ANTXR1: variants seen among roughly 807,000 people sequenced by gnomAD.
ANTXR1 encodes anthrax toxin receptor 1.
ANTXR1 carries 19 observed loss-of-function variants against 78.1 expected under a neutral mutation model. That is an observed-to-expected ratio of 0.24 (90% CI 0.17 to 0.36). The LOEUF is 0.36. Ranked by LOEUF, ANTXR1 falls within the 10% of genes least tolerant of loss-of-function variation. ANTXR1 has a pLI of 1.00. For missense variants in ANTXR1, 518 were observed against 718.6 expected (o/e 0.72, Z 3.19); for synonymous variants, 273 against 260.5 (o/e 1.05, Z -0.46).
chr2:69,234,339 T>C (rs1393872591), intron 17 of ANTXR1, among the ~76,000 whole-genome samples: 1 of 152,208 alleles, frequency 6.6e-6, no homozygotes. Context: ...ATTTAACAAA[T>C]GGTATTTCTA....
At chr2:69,033,585 T>C (rs914171249) in intron 1 of ANTXR1, among the ~76,000 whole-genome samples, 2 of 152,180 alleles carry the variant, frequency 1.3e-5, no homozygotes, top group Admixed American at 6.5e-5. Context: ...CAAGTGTGAG[T>C]CCCACTTACA....
intron 1 of ANTXR1, among the ~76,000 whole-genome samples, chr2:69,022,947 A>G (rs971449103): frequency 6.6e-5 from 10 of 152,156 alleles, no homozygotes; most frequent in African/African-American, 2.4e-4. Context: ...GTGTACATAT[A>G]CATTTAAGCC....
At chr2:69,239,433 G>A (rs986390447) in intron 17 of ANTXR1, among the ~76,000 whole-genome samples, 1 of 152,142 alleles carries the variant, frequency 6.6e-6, no homozygotes, top group Non-Finnish European at 1.5e-5. Flanking sequence ...TTAGCCAGGT[G>A]TGGTGGCACA....
At chr2:69,106,895 G>T (rs1671824661) in intron 10 of ANTXR1, among the ~76,000 whole-genome samples, 1 of 152,194 alleles carries the variant, frequency 6.6e-6, no homozygotes, top group South Asian at 2.1e-4. Context: ...ATCTGAAAGA[G>T]AATGGAAAAT....
chr2:69,187,585 C>CTTTTTTTTTTTTTTT (rs58660678), intron 16 of ANTXR1, among the ~76,000 whole-genome samples: 2 of 94,898 alleles, frequency 2.1e-5, no homozygotes, highest in Admixed American at 1.3e-4. Context: ...TCATGTATTT[C>CTTTTTTTTTTTTTTT]TTTTTTTTTT....
intron 17 of ANTXR1, among the ~76,000 whole-genome samples, chr2:69,199,669 G>C (rs1375987906): frequency 3.9e-5 from 6 of 152,108 alleles, no homozygotes; most frequent in Non-Finnish European, 8.8e-5. Context: ...CCCCCTAAAG[G>C]TTCTGTTTAA....
At chr2:69,151,909 AGTTG>A (rs1375908606) in intron 12 of ANTXR1, among the ~76,000 whole-genome samples, 2 of 152,214 alleles carry the variant, frequency 1.3e-5, no homozygotes, top group Admixed American at 6.5e-5. Flanking sequence ...TCTCTTATGC[AGTTG>A]GTCTTTCAAA....
chr2:69,229,579 C>A (rs1352986475), intron 17 of ANTXR1, among the ~76,000 whole-genome samples: 1 of 152,108 alleles, frequency 6.6e-6, no homozygotes, highest in African/African-American at 2.4e-5. Flanking sequence ...TACTAATTGT[C>A]GTTCTAAGTA....
chr2:69,140,629 G>C (rs373942494), intron 12 of ANTXR1, among the ~76,000 whole-genome samples: 111 of 152,222 alleles, frequency 7.3e-4, no homozygotes, highest in African/African-American at 2.1e-3. Flanking sequence ...TTTTCTTTTG[G>C]GGGCCTATAA....
At chr2:69,166,440 T>C (rs1184423708) in intron 13 of ANTXR1, among the ~76,000 whole-genome samples, 2 of 152,102 alleles carry the variant, frequency 1.3e-5, no homozygotes, top group African/African-American at 4.8e-5. Context: ...CCCCTTTACC[T>C]CACCAGCCCA....
chr2:69,195,402 T>C (rs1391357285), intron 17 of ANTXR1, among the ~76,000 whole-genome samples: 1 of 152,108 alleles, frequency 6.6e-6, no homozygotes, highest in Non-Finnish European at 1.5e-5. Flanking sequence ...TTGCACCTGG[T>C]GACAGTGGGT....
rs747729488 is a variant in ANTXR1 at position 69,090,907 on chromosome 2, A to G, written c.691A>G (p.Ile231Val). ...IEILAAEPST[I>V]CAGESFQVVV... ...AATTCTAGCAGCTGAACCATCCACCATATGTGCAGGAGGTAAATTGAAATG... is the reference window on the plus strand; with the variant it reads ...AATTCTAGCAGCTGAACCATCCACCGTATGTGCAGGAGGTAAATTGAAATG... The change falls in exon 9 of 18, where the codon ATA (isoleucine) becomes GTA (valine). Residue 231 changes from isoleucine (I) to valine (V), a missense_variant. Physicochemically the swap from Ile to Val is conservative, Grantham distance 29. Around this residue, in one of 5 missense-constraint regions of ANTXR1, gnomAD observed 264 missense variants for 391.8 expected, o/e 0.67. Coordinates refer to ENST00000303714, the MANE Select transcript of ANTXR1 (RefSeq NM_032208.3). 5.0e-6 allele frequency: 8 copies of G among 1,612,902 alleles called. No homozygotes were observed. The highest frequency in any genetic ancestry group is 4.2e-6 in the Non-Finnish European group (5 of 1,179,982).
At chr2:69,090,763 T>G in intron 8 of ANTXR1, 96 bp from the exon 9 acceptor site, 2 of 1,274,270 alleles carry the variant, frequency 1.6e-6, no homozygotes, top group Non-Finnish European at 2.3e-6. Context: ...TCCTTGAACC[T>G]TCCTATCTCT....
At chr2:69,235,976 A>G (rs1675754661) in intron 17 of ANTXR1, among the ~76,000 whole-genome samples, 1 of 152,200 alleles carries the variant, frequency 6.6e-6, no homozygotes, top group Non-Finnish European at 1.5e-5. Context: ...CAGGTGAGAA[A>G]GCATGTGAGC....
intron 13 of ANTXR1, among the ~76,000 whole-genome samples, chr2:69,154,511 C>T (rs1459469289): frequency 6.6e-6 from 1 of 152,180 alleles, no homozygotes; most frequent in African/African-American, 2.4e-5. Flanking sequence ...GGCCTCCCAT[C>T]AGAGTTTCAT....
intron 13 of ANTXR1, among the ~76,000 whole-genome samples, chr2:69,162,125 C>A (rs1365001219): frequency 6.6e-6 from 1 of 152,172 alleles, no homozygotes; most frequent in Non-Finnish European, 1.5e-5. Context: ...GCCTTAAATG[C>A]ATAGCCAGGC....
intron 13 of ANTXR1, among the ~76,000 whole-genome samples, chr2:69,155,689 C>T (rs1673501251): frequency 6.6e-6 from 1 of 152,178 alleles, no homozygotes; most frequent in African/African-American, 2.4e-5. Flanking sequence ...GAATCAGTGA[C>T]ATTAGGGCAC....
rs967804690 is a variant in ANTXR1 at position 69,182,396 on chromosome 2, A to T, written c.1186-97A>T. 1.6e-5 allele frequency: 23 copies of T among 1,411,266 alleles called. No homozygotes were observed. The Middle Eastern group carries it at 8.8e-4, about 54-fold the overall frequency. 87.4% of individuals were successfully genotyped at this position (1,411,266 alleles called of 1,614,324 possible). ...AACCCAAAGGAATCCAGGGTTGGGTAGCATTCACATTGCAACTCATGCATG... is the reference window on the plus strand; with the variant it reads ...AACCCAAAGGAATCCAGGGTTGGGTTGCATTCACATTGCAACTCATGCATG... On this transcript the variant is annotated intron_variant, in intron 15 of 17. Transcript: ENST00000303714.
chr2:69,013,757 C>G lies in ANTXR1; in HGVS notation c.152+106C>G. On this transcript the variant is annotated intron_variant, in intron 1 of 17. Transcript: ENST00000303714. This position sits in a 1 kb window ranked among gnomAD's most constrained non-coding sequence, Gnocchi z 5.0. ...GTCGCCTGGGGACAGGAGCGCATCT[C>G]CAGGGCCACAGAGGGACCGCGCGGC... The G allele has an allele frequency of 1.3e-6, 2 of 1,530,192 alleles. No individual in the cohort carries two copies. The highest frequency in any genetic ancestry group is 1.8e-6 in the Non-Finnish European group (2 of 1,129,438). The allele number at this position is 1,530,192 out of a possible 1,614,324, so 94.8% of individuals were successfully genotyped here. A position where few individuals can be genotyped will look rare whatever the true frequency, so the allele number is the denominator to read the frequency against.
Sources: gnomAD v4.1 joint callset for allele counts (sites outside exome capture counted in the v4.1 genomes callset) on GRCh38, gnomAD v4.1.1 for gene constraint, gnomAD v4.1.1 regional missense constraint, Gnocchi (gnomAD v3.1) non-coding constraint, MANE v1.5 for transcripts, NCBI Gene and HGNC (gene_info 2026-07-23, HGNC 2026-07-21) for gene names.